NAV1: variants seen among roughly 807,000 people sequenced by gnomAD.
The protein encoded by NAV1 is pore membrane and/or filament interacting like protein 3.
A neutral mutation model predicts 175.2 loss-of-function variants in NAV1; 18 were observed. The ratio of observed to expected loss-of-function variants is 0.10; its 90% CI spans 0.07 to 0.15. The LOEUF (loss-of-function observed/expected upper bound fraction) is 0.15. Ranked by LOEUF, NAV1 falls within the 10% of genes least tolerant of loss-of-function variation. The pLI is 1.00. For missense variants in NAV1, 1,731 were observed against 2,436.6 expected (o/e 0.71, Z 6.10); for synonymous variants, 897 against 978.7 (o/e 0.92, Z 1.56).
chr1:201,712,071 G>T (rs1430270187), intron 1 of NAV1, among the ~76,000 whole-genome samples: 1 of 152,156 alleles, frequency 6.6e-6, no homozygotes, highest in East Asian at 1.9e-4. Context: ...TGCACCACTT[G>T]TGTGGGGACT....
At chr1:201,665,190 C>T (rs1414479773) in intron 1 of NAV1, among the ~76,000 whole-genome samples, 1 of 151,956 alleles carries the variant, frequency 6.6e-6, no homozygotes, top group Non-Finnish European at 1.5e-5. Flanking sequence ...ACCATTCTCC[C>T]AGCTCTCTCC....
At chr1:201,649,349 C>T in exon 1 of NAV1, 1 of 1,610,344 alleles carries the variant, frequency 6.2e-7, no homozygotes, top group Non-Finnish European at 8.5e-7. Flanking sequence ...AGGAGCGCGC[C>T]TTCCTCAAGG....
chr1:201,578,285 A>C (rs1666749937), intron 1 of NAV1, among the ~76,000 whole-genome samples: 1 of 152,158 alleles, frequency 6.6e-6, no homozygotes, highest in South Asian at 2.1e-4. Flanking sequence ...CCATCCACTG[A>C]GATCAACACT....
At chr1:201,616,336 G>A (rs1055619763) in intron 2 of NAV1, among the ~76,000 whole-genome samples, 22 of 152,098 alleles carry the variant, frequency 1.4e-4, no homozygotes, top group African/African-American at 4.8e-4. Flanking sequence ...AGACCCAGGG[G>A]CATGAGGAGT....
rs188701448 is a variant in NAV1, at chr1:201,629,827, C to A, written c.4+320C>A. On this transcript the variant is annotated intron_variant, in intron 2 of 29. Transcript: ENST00000367302. ...AGTGAGAGCCAGGTTCTGAGTGGTG[C>A]CCAGGTTGAAAAATGAAGGTGCTGG... Among the ~76,000 whole-genome samples, 57 of 152,144 alleles carry A rather than the reference C, an allele frequency of 3.7e-4. 1 individual carries two copies. Among genetic ancestry groups the A allele is most frequent in the Non-Finnish European group, 2.9e-5 (2 of 67,990 alleles).
chr1:201,596,038 C>A (rs557654064), intron 2 of NAV1, among the ~76,000 whole-genome samples: 4 of 152,354 alleles, frequency 2.6e-5, no homozygotes, highest in African/African-American at 7.2e-5. Context: ...AGCGACCCCA[C>A]GTCTTGATTG....
chr1:201,702,673 T>TCA (rs764742335), intron 1 of NAV1, among the ~76,000 whole-genome samples: 3 of 6,500 alleles, frequency 4.6e-4, no homozygotes, highest in Non-Finnish European at 5.6e-4. Flanking sequence ...GTATGTGAAT[T>TCA]CTCTCTCTCT....
At chr1:201,757,444 T>G (rs765003167) in intron 3 of NAV1, among the ~76,000 whole-genome samples, 47 of 152,264 alleles carry the variant, frequency 3.1e-4, no homozygotes, top group Non-Finnish European at 3.7e-4. Context: ...AATTTTTTAG[T>G]AGCGATGAGG....
intron 2 of NAV1, among the ~76,000 whole-genome samples, chr1:201,641,417 C>T (rs1668748490): frequency 1.3e-5 from 2 of 152,206 alleles, no homozygotes; most frequent in Admixed American, 1.3e-4. Flanking sequence ...ATGTCACTCT[C>T]TGCTCCCAGC....
At chr1:201,623,071 G>A (rs1015884577) in exon 1 of NAV1, 117 of 985,822 alleles carry the variant, frequency 1.2e-4, no homozygotes, top group Non-Finnish European at 1.4e-4. Flanking sequence ...AAAGGCTGCA[G>A]GTCCTTCTAG....
At chr1:201,768,481 T>C (rs1571472950) in intron 3 of NAV1, among the ~76,000 whole-genome samples, 1 of 151,400 alleles carries the variant, frequency 6.6e-6, no homozygotes, top group East Asian at 1.9e-4. Flanking sequence ...CTACAAAAAA[T>C]TAAAAAATTA....
At chr1:201,722,484 C>G (rs1012521301) in intron 3 of NAV1, among the ~76,000 whole-genome samples, 73 of 152,110 alleles carry the variant, frequency 4.8e-4, no homozygotes, top group African/African-American at 1.7e-3. Context: ...AGGTATACGC[C>G]ACATTTTGTT....
Position 201,540,571 on chromosome 1 carries a change from G to T in NAV1, c.-144+1229G>T, listed in dbSNP as rs182212268. On this transcript the variant is annotated intron_variant, in intron 1 of 33. Coordinates refer to the NAV1 transcript ENST00000685211. ...GGATCTGACGATCTGACACTGCAGA[G>T]ACCTTGGCTTCCTTTAGGCCAGAGA... 2.4e-4 allele frequency among the ~76,000 whole-genome samples: 36 copies of T among 152,318 alleles called. No individual in the cohort carries two copies. In the East Asian group the frequency reaches 3.3e-3, roughly 14 times the overall value.
chr1:201,746,168 C>G (rs1219448175), intron 3 of NAV1, among the ~76,000 whole-genome samples: 1 of 149,340 alleles, frequency 6.7e-6, no homozygotes, highest in Non-Finnish European at 1.5e-5. Context: ...CCCATATTTA[C>G]TCATCATATG....
chr1:201,811,519 T>A (rs1678687433), intron 24 of NAV1, 84 bp from the exon 29 acceptor site: 5 of 1,541,472 alleles, frequency 3.2e-6, no homozygotes, highest in African/African-American at 2.7e-5. Context: ...CTAGATCTAG[T>A]AAGACTTCTT....
Position 201,600,335 on chromosome 1 carries a change from T to A in NAV1, c.-33+11686T>A, listed in dbSNP as rs189959617. 1.7e-3 allele frequency among the ~76,000 whole-genome samples: 265 copies of A among 152,300 alleles called. 1 individual carries two copies. The highest frequency in any genetic ancestry group is 5.4e-3 in the Admixed American group (83 of 15,290). ...GTGCTATCCTGCTCTGAACCAAAAGTGGACAATAACCCCAACGACTTCTCC... is the reference window on the plus strand; with the variant it reads ...GTGCTATCCTGCTCTGAACCAAAAGAGGACAATAACCCCAACGACTTCTCC... On this transcript the variant is annotated intron_variant, in intron 2 of 33. Coordinates refer to the NAV1 transcript ENST00000685211.
chr1:201,583,112 G>C (rs1354730955), intron 1 of NAV1, among the ~76,000 whole-genome samples: 1 of 152,126 alleles, frequency 6.6e-6, no homozygotes, highest in African/African-American at 2.4e-5. Flanking sequence ...TCTGAGTGGG[G>C]CCAACCATGG....
chr1:201,626,364 C>G (rs1324917977), intron 1 of NAV1, among the ~76,000 whole-genome samples: 1 of 152,370 alleles, frequency 6.6e-6, no homozygotes, highest in East Asian at 1.9e-4. Context: ...GCTTCCCTCC[C>G]CATCTCCAGC....
At position 201,740,817 on chromosome 1, in the gene NAV1, C is replaced by T. The variant is rs900418238; in HGVS notation, c.1226+22062C>T. On this transcript the variant is annotated intron_variant, in intron 3 of 29. Coordinates refer to ENST00000367296, the Ensembl canonical transcript of NAV1. This position sits in a 1 kb window ranked among gnomAD's most constrained non-coding sequence, Gnocchi z 4.7. ...GGGAAGTGAGTGTAACCACAGCTGG[C>T]CCTGGGACTCTCTGAGCTGACTTGG... Among the ~76,000 whole-genome samples, 2 of 152,044 alleles carry T rather than the reference C, an allele frequency of 1.3e-5. No homozygotes were observed. The highest frequency in any genetic ancestry group is 2.9e-5 in the Non-Finnish European group (2 of 67,992).
Sources: allele counts gnomAD v4.1 joint callset (sites outside exome capture counted in the v4.1 genomes callset), GRCh38; gene constraint gnomAD v4.1.1; non-coding constraint Gnocchi (gnomAD v3.1); transcripts MANE v1.5; gene names NCBI Gene and HGNC (gene_info 2026-07-23, HGNC 2026-07-21).